DNAH7: variants seen among roughly 807,000 people sequenced by gnomAD.
DNAH7 encodes the protein axonemal beta dynein heavy chain 7.
In DNAH7, 397 loss-of-function variants were observed where a neutral mutation model predicts 444.6. The ratio of observed to expected loss-of-function variants is 0.89; its 90% confidence interval spans 0.82 to 0.97. The LOEUF (loss-of-function observed/expected upper bound fraction) is 0.97. Among genes scored for constraint, DNAH7 ranks in the 50% least tolerant of loss-of-function variants. The probability of loss-of-function intolerance (pLI) is 0.00; values close to 1 mark genes in which losing one functional copy is unlikely to be tolerated. For synonymous variants in DNAH7, 1,636 were observed against 1,624.4 expected (o/e 1.01, Z -0.17); for missense variants, 4,902 against 4,800.8 (o/e 1.02, Z -0.62).
Position 195,923,621 on chromosome 2 carries a change from A to AC in DNAH7, c.3798dup (p.Leu1267ValfsTer5), listed in dbSNP as rs1450164720. On this transcript the variant is annotated frameshift_variant, in exon 23 of 65. Coordinates refer to ENST00000312428, the MANE Select transcript of DNAH7 (RefSeq NM_018897.3). LOFTEE classifies it high-confidence loss of function. ...TGCCAGTAGTACCTAAGCTGACTTA[A>AC]CCATTCAAAGTCAGAGTCATCGCTA... is the stretch of plus-strand genomic sequence containing the variant. 1 of 1,614,136 alleles carries AC rather than the reference A, an allele frequency of 6.2e-7. No homozygotes were observed. Among genetic ancestry groups the AC allele is most frequent in the East Asian group, 2.2e-5 (1 of 44,852 alleles).
intron 58 of DNAH7, among the ~76,000 whole-genome samples, chr2:195,781,472 G>C (rs980317146): frequency 6.6e-6 from 1 of 152,124 alleles, no homozygotes; most frequent in Non-Finnish European, 1.5e-5. Flanking sequence ...TTCCCCAGGG[G>C]TGGGTGGGTT....
chr2:195,889,580 T>G (rs1701902406), intron 31 of DNAH7, among the ~76,000 whole-genome samples: 1 of 152,172 alleles, frequency 6.6e-6, no homozygotes, highest in Admixed American at 6.5e-5. Flanking sequence ...CCCCACAAAG[T>G]GCTGGGATTT....
chr2:195,991,080 C>G lies in DNAH7; in HGVS notation c.1354-2851G>C, dbSNP rs373206028. ...AGGTGATTAGATCACAGCTAGGGAA[C>G]AGGTCACCCTGTAACAAATCTATTT... is the stretch of plus-strand genomic sequence containing the variant. On this transcript the variant is annotated intron_variant, in intron 12 of 64. Coordinates refer to ENST00000312428, the MANE Select transcript of DNAH7 (RefSeq NM_018897.3). 3.7e-3 allele frequency among the ~76,000 whole-genome samples: 561 copies of G among 150,862 alleles called. 4 individuals are homozygous for G. The highest frequency in any genetic ancestry group is 0.031 in the Middle Eastern group (9 of 288).
At chr2:195,887,756 G>A (rs895496626) in intron 33 of DNAH7, among the ~76,000 whole-genome samples, 1 of 152,114 alleles carries the variant, frequency 6.6e-6, no homozygotes, top group Non-Finnish European at 1.5e-5. Flanking sequence ...GAGCCTCGCT[G>A]AAGCTCATCA....
chr2:195,821,681 G>C, intron 49 of DNAH7, among the ~76,000 whole-genome samples: 1 of 152,160 alleles, frequency 6.6e-6, no homozygotes. Flanking sequence ...AGGCACAGTA[G>C]ATAAACTGGA....
intron 47 of DNAH7, among the ~76,000 whole-genome samples, chr2:195,840,351 T>A (rs930130861): frequency 6.6e-6 from 1 of 151,016 alleles, no homozygotes; most frequent in South Asian, 2.1e-4. Context: ...TAGAAGGGAG[T>A]CTCTTTCACA....
chr2:195,752,255 T>C (rs1277808631), intron 63 of DNAH7, among the ~76,000 whole-genome samples: 1 of 134,052 alleles, frequency 7.5e-6, no homozygotes, highest in East Asian at 2.2e-4. Context: ...GGGGTCACAA[T>C]GTGAGACCCT....
intron 57 of DNAH7, 115 bp downstream of exon 57, chr2:195,794,223 C>T (rs543471874): frequency 3.7e-5 from 31 of 840,080 alleles, no homozygotes; most frequent in East Asian, 1.7e-4. Context: ...TACTGCACTG[C>T]GGTGCAGGAG....
rs1688151420 is a variant in DNAH7, at chr2:195,923,604, G to C, written c.3816C>G (p.Tyr1272Ter). Residue 1272 changes from tyrosine (Y) to a stop codon, truncating the protein, a stop_gained, in exon 23 of 65, where the codon TAC becomes TAG. Transcript: ENST00000312428. LOFTEE classifies it high-confidence loss of function. Reference sequence around the variant, plus strand: ...CAGTGATACCACTTACTTGCCAGTAGTACCTAAGCTGACTTAACCATTCAA... The same window carrying C: ...CAGTGATACCACTTACTTGCCAGTACTACCTAAGCTGACTTAACCATTCAA... The part of the protein sequence containing the change: ...SDFEWLSQLR[Y>*]YWQENHLETK... The C allele has an allele frequency of 6.2e-7, 1 of 1,614,000 alleles. No homozygotes were observed. Among genetic ancestry groups the C allele is most frequent in the South Asian group, 1.1e-5 (1 of 91,062 alleles).
intron 19 of DNAH7, among the ~76,000 whole-genome samples, chr2:195,952,820 T>C (rs1362176867): frequency 6.6e-6 from 1 of 152,196 alleles, no homozygotes; most frequent in African/African-American, 2.4e-5. Flanking sequence ...TTATTCTAGT[T>C]AGCAATTCGT....
chr2:195,998,914 A>C, intron 12 of DNAH7: 1 of 510,316 alleles, frequency 2.0e-6, no homozygotes, highest in Non-Finnish European at 3.5e-6. Context: ...AGTCTAAGGG[A>C]CCAAAATGAG....
At chr2:195,880,387 G>A (rs1701304811) in intron 36 of DNAH7, among the ~76,000 whole-genome samples, 1 of 148,942 alleles carries the variant, frequency 6.7e-6, no homozygotes, top group Admixed American at 6.7e-5. Context: ...GGCGTGCAGT[G>A]GCGCGATCTC....
intron 61 of DNAH7, among the ~76,000 whole-genome samples, chr2:195,766,698 T>C (rs1489681732): frequency 1.3e-5 from 2 of 152,154 alleles, no homozygotes; most frequent in African/African-American, 2.4e-5. Context: ...TAATTCATTG[T>C]TTGTAACACA....
At chr2:195,792,929 T>C (rs1219892299) in intron 57 of DNAH7, among the ~76,000 whole-genome samples, 1 of 151,818 alleles carries the variant, frequency 6.6e-6, no homozygotes, top group East Asian at 1.9e-4. Flanking sequence ...ACTATTGTTA[T>C]TTATTTATTT....
intron 46 of DNAH7, among the ~76,000 whole-genome samples, chr2:195,852,811 TTTCCTCCC>T (rs1699449259): frequency 6.6e-6 from 1 of 151,830 alleles, no homozygotes; most frequent in Non-Finnish European, 1.5e-5. Flanking sequence ...AGGCTCACCT[TTTCCTCCC>T]TTCAAGTTTC....
At chr2:195,998,166 C>CA (rs146092084) in intron 12 of DNAH7, among the ~76,000 whole-genome samples, 251 of 152,270 alleles carry the variant, frequency 1.6e-3, no homozygotes, top group Admixed American at 3.3e-3. Flanking sequence ...TGAGAAGTTT[C>CA]AATTAACTGT....
intron 62 of DNAH7, 74 bp downstream of exon 62, chr2:195,756,059 T>C: frequency 6.8e-7 from 1 of 1,472,972 alleles, no homozygotes; most frequent in Non-Finnish European, 9.2e-7. Context: ...TAATACTCAT[T>C]ACATTAAGCA....
At chr2:195,841,522 A>T (rs1171843118) in intron 47 of DNAH7, among the ~76,000 whole-genome samples, 1 of 151,978 alleles carries the variant, frequency 6.6e-6, no homozygotes, top group Non-Finnish European at 1.5e-5. Flanking sequence ...GATAAAAAAG[A>T]AAATACTAGT....
At position 195,863,758 on chromosome 2, in the gene DNAH7, C is replaced by A. The variant is rs913711605; in HGVS notation, c.7506+391G>T. ...TTCATACACGGTTATAGTAACACTT[C>A]CTGCTATTGCTCCACCTACCACTTC... On this transcript the variant is annotated intron_variant, in intron 41 of 64. Transcript: ENST00000312428. Among the ~76,000 whole-genome samples the A allele has an allele frequency of 2.6e-5, 4 of 152,280 alleles. No homozygotes were observed. The South Asian group carries it at 8.3e-4, about 32-fold the overall frequency.
Sources: gnomAD v4.1 joint callset for allele counts (sites outside exome capture counted in the v4.1 genomes callset) on GRCh38, gnomAD v4.1.1 for gene constraint, MANE v1.5 for transcripts, NCBI Gene and HGNC (gene_info 2026-07-23, HGNC 2026-07-21) for gene names.